The following FLNB variants were observed in gnomAD, a reference collection of about 807,000 sequenced individuals.
The protein encoded by FLNB is filamin B.
FLNB carries 111 observed loss-of-function variants against 250.6 expected under a neutral mutation model. That is an observed-to-expected ratio of 0.44 (90% confidence interval 0.38 to 0.52). The LOEUF (loss-of-function observed/expected upper bound fraction) is 0.52, where lower values mean the gene tolerates loss of function less well. FLNB is among the 20% of genes least tolerant of loss of function. The pLI, the probability that FLNB is intolerant of heterozygous loss-of-function variation, is 0.00. For missense variants in FLNB, 2,869 were observed against 3,447.8 expected (o/e 0.83, Z 4.20); for synonymous variants, 1,302 against 1,372.1 (o/e 0.95, Z 1.13).
chr3:58,169,498 G>A lies in FLNB; in HGVS notation c.7418-92G>A, dbSNP rs2097377430. On this transcript the variant is annotated intron_variant, in intron 44 of 45. Transcript: ENST00000295956. This position sits in a 1 kb window ranked among gnomAD's most constrained non-coding sequence, Gnocchi z 4.8. ...TGTTGGGGTGCGCGGGCTCTCCTGG[G>A]GTTACTGTGTAGGGTACTCGCCTGT... The A allele has an allele frequency of 9.9e-7, 1 of 1,009,886 alleles. No individual in the cohort carries two copies. Among genetic ancestry groups the A allele is most frequent in the Admixed American group, 1.7e-5 (1 of 59,136 alleles). The allele number at this position is 1,009,886 out of a possible 1,614,324, so 62.6% of individuals were successfully genotyped here.
At chr3:58,152,742 G>T in intron 38 of FLNB, 2 of 1,339,518 alleles carry the variant, frequency 1.5e-6, no homozygotes, top group Non-Finnish European at 2.0e-6. Context: ...CCCAGATCCT[G>T]TGGGGCTGGA....
chr3:58,171,275 C>T lies in FLNB; in HGVS notation c.*513C>T, dbSNP rs548904262. ...TATTAGATCACTAGCACTGCTTTAC[C>T]GCTCCTCATCGCCAACACCCCCATG... On this transcript the variant is annotated 3_prime_UTR_variant, in exon 46 of 46. Transcript: ENST00000295956. The surrounding 1 kb of genome is among the most constrained non-coding windows in gnomAD (Gnocchi z 5.5). The T allele has an allele frequency of 1.8e-5, 3 of 169,338 alleles. No homozygotes were observed. Among genetic ancestry groups the T allele is most frequent in the South Asian group, 3.1e-4 (2 of 6,538 alleles). 10.5% of individuals were successfully genotyped at this position (169,338 alleles called of 1,614,324 possible).
chr3:58,010,664 T>C (rs1371618189), intron 1 of FLNB, among the ~76,000 whole-genome samples: 1 of 152,208 alleles, frequency 6.6e-6, no homozygotes, highest in Non-Finnish European at 1.5e-5. Flanking sequence ...TGTGTATTTA[T>C]TTAATTAACT....
At position 58,132,920 on chromosome 3, in the gene FLNB, G is replaced by A. The variant is rs1469371259; in HGVS notation, c.4503G>A (p.Glu1501=). 6.2e-7 allele frequency: 1 copy of A among 1,613,500 alleles called. No individual in the cohort carries two copies. Among genetic ancestry groups the A allele is most frequent in the South Asian group, 1.1e-5 (1 of 90,776 alleles). Residue 1501 remains glutamate, a synonymous_variant, in exon 26 of 46, where the codon GAG becomes GAA. Transcript: ENST00000295956. ...YMVSVKYADE[E]IPRSPFKVKV... is the part of the protein sequence containing the mutation. ...TCTCAGTTAAATATGCTGATGAAGA[G>A]ATTCCTCGCAGGTAAGCTCCATCCA...
intron 19 of FLNB, among the ~76,000 whole-genome samples, chr3:58,119,354 G>T (rs193178177): frequency 6.6e-6 from 1 of 152,338 alleles, no homozygotes; most frequent in Non-Finnish European, 1.5e-5. Context: ...TTTGGGCTAT[G>T]TTGCTTTCTG....
chr3:58,161,833 C>T (rs780853216), intron 42 of FLNB, among the ~76,000 whole-genome samples: 8 of 152,180 alleles, frequency 5.3e-5, no homozygotes, highest in African/African-American at 1.7e-4. Flanking sequence ...CCCACCTTCA[C>T]GCCACATCAA....
intron 1 of FLNB, among the ~76,000 whole-genome samples, chr3:58,053,945 C>T (rs1012098491): frequency 3.9e-5 from 6 of 152,258 alleles, no homozygotes; most frequent in South Asian, 4.1e-4. Context: ...CCCAGAGGCG[C>T]GAAGAGCAAC....
At chr3:58,117,790 GT>G (rs112592090) in intron 18 of FLNB, among the ~76,000 whole-genome samples, 12,472 of 141,770 alleles carry the variant, frequency 0.088, 580 homozygotes, top group African/African-American at 0.12. Flanking sequence ...GATGCAACCA[GT>G]TTTTTTTTTT....
chr3:58,113,882 T>C (rs1019409069), intron 18 of FLNB, among the ~76,000 whole-genome samples: 5 of 152,166 alleles, frequency 3.3e-5, no homozygotes, highest in African/African-American at 1.2e-4. Context: ...TTTCGCCATG[T>C]TGGCCAGGCT....
intron 20 of FLNB, among the ~76,000 whole-genome samples, chr3:58,122,200 AC>A (rs2097290164): frequency 7.0e-6 from 1 of 143,226 alleles, no homozygotes; most frequent in Non-Finnish European, 1.5e-5. Context: ...ACAAAAAAAA[AC>A]ATTATTCTTG....
At chr3:58,040,580 C>A (rs1164573744) in intron 1 of FLNB, among the ~76,000 whole-genome samples, 2 of 152,146 alleles carry the variant, frequency 1.3e-5, no homozygotes, top group Non-Finnish European at 2.9e-5. Context: ...CTGCAACCTC[C>A]GTCTCACTGG....
At chr3:58,045,189 T>A (rs1424403010) in intron 1 of FLNB, among the ~76,000 whole-genome samples, 2 of 151,914 alleles carry the variant, frequency 1.3e-5, no homozygotes, top group Non-Finnish European at 2.9e-5. Flanking sequence ...GGGGGTGGAG[T>A]TGGGGAATCA....
At chr3:58,078,516 C>G (rs2097204680) in intron 2 of FLNB, 1 of 1,536,276 alleles carries the variant, frequency 6.5e-7, no homozygotes, top group South Asian at 1.2e-5. Context: ...GAGGAGAAGT[C>G]TCAGTAATGG....
chr3:58,155,069 G>T (rs1458272602), intron 40 of FLNB, 141 bp downstream of exon 40: 1 of 851,012 alleles, frequency 1.2e-6, no homozygotes, highest in Non-Finnish European at 1.9e-6. Context: ...TAGAAATCCA[G>T]TTGCAAGATA....
At chr3:58,061,711 C>T (rs1438074941) in intron 1 of FLNB, among the ~76,000 whole-genome samples, 3 of 151,132 alleles carry the variant, frequency 2.0e-5, no homozygotes, top group Non-Finnish European at 4.4e-5. Flanking sequence ...TGCACTCCAG[C>T]CTAGGTGACA....
intron 1 of FLNB, among the ~76,000 whole-genome samples, chr3:58,058,852 A>G (rs1385455504): frequency 6.6e-6 from 1 of 152,208 alleles, no homozygotes; most frequent in Non-Finnish European, 1.5e-5. Context: ...CCAGTTTTAT[A>G]GAATGTAACC....
chr3:58,095,527 A>G (rs2097237022), intron 5 of FLNB, among the ~76,000 whole-genome samples: 2 of 152,126 alleles, frequency 1.3e-5, no homozygotes, highest in African/African-American at 4.8e-5. Context: ...AACTGCTGGG[A>G]TTACAGGTGT....
chr3:58,166,611 A>C (rs761669702), intron 43 of FLNB, among the ~76,000 whole-genome samples: 1 of 152,084 alleles, frequency 6.6e-6, no homozygotes, highest in Non-Finnish European at 1.5e-5. Flanking sequence ...ACTTGAGCCT[A>C]GGAGTTTGAG....
chr3:58,148,476 C>T, intron 35 of FLNB, 112 bp downstream of exon 35: 1 of 1,354,704 alleles, frequency 7.4e-7, no homozygotes, highest in Non-Finnish European at 1.0e-6. Context: ...ATGTGATAAA[C>T]CTGCTGGGTC....
Sources: gnomAD v4.1 joint callset for allele counts (sites outside exome capture counted in the v4.1 genomes callset) on GRCh38, gnomAD v4.1.1 for gene constraint, Gnocchi (gnomAD v3.1) non-coding constraint, MANE v1.5 for transcripts, NCBI Gene and HGNC (gene_info 2026-07-23, HGNC 2026-07-21) for gene names.